The following CSGALNACT1 variants were observed in gnomAD, a reference collection of about 807,000 sequenced individuals.
The protein encoded by CSGALNACT1 is chondroitin sulfate N-acetylgalactosaminyltransferase 1.
A neutral mutation model predicts 51.0 loss-of-function variants in CSGALNACT1; 52 were observed. The ratio of observed to expected loss-of-function variants is 1.02; its 90% CI spans 0.82 to 1.29. CSGALNACT1 has a LOEUF of 1.29. CSGALNACT1 is among the 50% of genes most tolerant of loss of function. The pLI is 0.00. For missense variants in CSGALNACT1, 935 were observed against 679.2 expected (o/e 1.38, Z -4.19); for synonymous variants, 341 against 254.4 (o/e 1.34, Z -3.24).
At chr8:19,451,842 G>T (rs567892403) in intron 5 of CSGALNACT1, among the ~76,000 whole-genome samples, 1 of 152,170 alleles carries the variant, frequency 6.6e-6, no homozygotes. Context: ...ACTGCAAGGC[G>T]ATAGGGCCCA....
At chr8:19,615,049 A>C (rs1347074543) in intron 1 of CSGALNACT1, among the ~76,000 whole-genome samples, 1 of 152,230 alleles carries the variant, frequency 6.6e-6, no homozygotes, top group Non-Finnish European at 1.5e-5. Context: ...TTTTCATTGT[A>C]AAAATATCAA....
chr8:19,644,707 C>T (rs867516004), intron 1 of CSGALNACT1, among the ~76,000 whole-genome samples: 2 of 81,338 alleles, frequency 2.5e-5, no homozygotes, highest in African/African-American at 1.1e-4. Flanking sequence ...GAGACTCCGT[C>T]TCAAAAAAAA....
At chr8:19,534,823 T>A (rs1190502010) in intron 3 of CSGALNACT1, among the ~76,000 whole-genome samples, 1 of 152,218 alleles carries the variant, frequency 6.6e-6, no homozygotes, top group East Asian at 1.9e-4. Context: ...ATCTTGCATT[T>A]GGCAATCTTT....
intron 1 of CSGALNACT1, among the ~76,000 whole-genome samples, chr8:19,647,451 C>T (rs2057382291): frequency 6.6e-6 from 1 of 152,158 alleles, no homozygotes; most frequent in Admixed American, 6.6e-5. Context: ...ATAAAAGTGG[C>T]CATGTGTTTA....
intron 1 of CSGALNACT1, among the ~76,000 whole-genome samples, chr8:19,733,112 T>C (rs568490635): frequency 2.6e-5 from 4 of 152,240 alleles, no homozygotes; most frequent in African/African-American, 9.6e-5. Flanking sequence ...AGAGTAGAAC[T>C]TCTGGACAGA....
At chr8:19,425,069 G>A (rs1360626871) in intron 6 of CSGALNACT1, among the ~76,000 whole-genome samples, 1 of 152,226 alleles carries the variant, frequency 6.6e-6, no homozygotes, top group Non-Finnish European at 1.5e-5. Flanking sequence ...CTGACCAGGT[G>A]CAGTGGCTCA....
chr8:19,572,104 GA>G (rs764825982), intron 3 of CSGALNACT1, among the ~76,000 whole-genome samples: 4 of 152,114 alleles, frequency 2.6e-5, no homozygotes, highest in Non-Finnish European at 4.4e-5. Flanking sequence ...CAGTCAACCA[GA>G]AAAACATCGG....
chr8:19,426,994 T>C (rs1233150787), intron 6 of CSGALNACT1, among the ~76,000 whole-genome samples: 1 of 152,226 alleles, frequency 6.6e-6, no homozygotes, highest in Non-Finnish European at 1.5e-5. Context: ...CTCACAGCTC[T>C]AAATACTGAA....
intron 6 of CSGALNACT1, among the ~76,000 whole-genome samples, chr8:19,436,868 A>T (rs2060466935): frequency 6.6e-6 from 1 of 152,228 alleles, no homozygotes; most frequent in African/African-American, 2.4e-5. Flanking sequence ...GTATGATCAC[A>T]CCACTGCACT....
chr8:19,579,269 A>G (rs773731350), intron 3 of CSGALNACT1, among the ~76,000 whole-genome samples: 3 of 152,036 alleles, frequency 2.0e-5, no homozygotes, highest in Non-Finnish European at 2.9e-5. Flanking sequence ...CACTCCCTCC[A>G]TGTCCTCTAC....
At chr8:19,699,528 G>A (rs1036036239) in intron 1 of CSGALNACT1, among the ~76,000 whole-genome samples, 6 of 152,212 alleles carry the variant, frequency 3.9e-5, no homozygotes, top group African/African-American at 1.4e-4. Context: ...AGTAAAATAA[G>A]CCCATCACTA....
At chr8:19,488,370 CATATATATATATATATATATAT>C (rs56988602) in intron 4 of CSGALNACT1, among the ~76,000 whole-genome samples, 2,519 of 114,466 alleles carry the variant, frequency 0.022, 50 homozygotes, top group African/African-American at 0.038. Flanking sequence ...TTTATATATA[CATATATATATATATATATATAT>C]ATATATATAT....
At chr8:19,709,021 C>T (rs756195896) in intron 1 of CSGALNACT1, among the ~76,000 whole-genome samples, 35 of 152,122 alleles carry the variant, frequency 2.3e-4, no homozygotes, top group Admixed American at 2.0e-3. Flanking sequence ...CATGAATGTA[C>T]CTTAAAGCTG....
chr8:19,630,244 A>ATG, intron 1 of CSGALNACT1, among the ~76,000 whole-genome samples: 2 of 73,788 alleles, frequency 2.7e-5, no homozygotes, highest in Non-Finnish European at 5.9e-5. Flanking sequence ...GTGTGTGTGT[A>ATG]TGTGTGTGTG....
At chr8:19,428,823 A>ATGTG (rs1491349164) in intron 6 of CSGALNACT1, among the ~76,000 whole-genome samples, 6 of 51,248 alleles carry the variant, frequency 1.2e-4, no homozygotes, top group African/African-American at 2.1e-4. Flanking sequence ...ATAAGACATG[A>ATGTG]TATGTGTGTG....
chr8:19,617,958 C>T (rs2053261451), intron 1 of CSGALNACT1, among the ~76,000 whole-genome samples: 2 of 152,168 alleles, frequency 1.3e-5, no homozygotes, highest in Admixed American at 1.3e-4. Context: ...TAGTTCACTG[C>T]ACCCTCAAAC....
intron 1 of CSGALNACT1, among the ~76,000 whole-genome samples, chr8:19,723,584 G>T (rs1449600559): frequency 6.6e-6 from 1 of 152,228 alleles, no homozygotes; most frequent in African/African-American, 2.4e-5. Context: ...AGAGACATAA[G>T]ATGAAGGCAT....
chr8:19,670,608 A>G (rs1376608853), intron 1 of CSGALNACT1, among the ~76,000 whole-genome samples: 1 of 141,536 alleles, frequency 7.1e-6, no homozygotes, highest in African/African-American at 2.6e-5. Flanking sequence ...TAAGTAGGTG[A>G]TATCAACCCT....
At chr8:19,612,342 CAA>C (rs11332569) in intron 1 of CSGALNACT1, among the ~76,000 whole-genome samples, 2 of 136,402 alleles carry the variant, frequency 1.5e-5, no homozygotes, top group African/African-American at 5.3e-5. Flanking sequence ...ATCCCTGTCT[CAA>C]AAAAAAAAAC....
Sources: gnomAD v4.1 joint callset for allele counts (sites outside exome capture counted in the v4.1 genomes callset) on GRCh38, gnomAD v4.1.1 for gene constraint, MANE v1.5 for transcripts, NCBI Gene and HGNC (gene_info 2026-07-23, HGNC 2026-07-21) for gene names.